Variants in KLF12 observed in about 807,000 individuals in gnomAD.
The protein encoded by KLF12 is Krueppel-like factor 12.
Under a neutral mutation model 37.8 loss-of-function variants are expected in KLF12, and 9 were observed. The observed-to-expected ratio is 0.24, with a 90% CI of 0.14 to 0.42. The LOEUF is 0.42. Among genes scored for constraint, KLF12 ranks in the 10% least tolerant of loss-of-function variants. KLF12 has a pLI of 1.00. For synonymous variants in KLF12, 208 were observed against 202.1 expected (o/e 1.03, Z -0.25); for missense variants, 411 against 516.0 (o/e 0.80, Z 1.97).
the KLF12 span, among the ~76,000 whole-genome samples, chr13:74,287,387 A>AGAGAGAGAGAGAGG: frequency 1.3e-5 from 2 of 151,478 alleles, no homozygotes; most frequent in Non-Finnish European, 2.9e-5. Flanking sequence ...AGAGAGAGAG[A>AGAGAGAGAGAGAGG]GAGAGAGAAT....
chr13:73,819,810 T>C (rs573236539), intron 4 of KLF12, among the ~76,000 whole-genome samples: 37 of 152,218 alleles, frequency 2.4e-4, no homozygotes, highest in South Asian at 4.2e-4. Context: ...CTTGAAGGAA[T>C]TGAGTAAGAG....
the KLF12 span, among the ~76,000 whole-genome samples, chr13:74,183,792 C>G: frequency 6.6e-6 from 1 of 152,050 alleles, no homozygotes; most frequent in East Asian, 1.9e-4. Flanking sequence ...CAAAAATTAG[C>G]TGGGCATGGT....
chr13:74,138,882 C>G (rs79098914), upstream of KLF12, among the ~76,000 whole-genome samples: 1 of 152,170 alleles, frequency 6.6e-6, no homozygotes, highest in Admixed American at 6.5e-5. Context: ...CATACTTTCC[C>G]CTCCAGCCTG....
intron 3 of KLF12, among the ~76,000 whole-genome samples, chr13:73,942,665 A>G (rs1890240351): frequency 6.6e-6 from 1 of 152,204 alleles, no homozygotes; most frequent in Non-Finnish European, 1.5e-5. Context: ...CTTCTCCTTC[A>G]TGATCCTCTA....
chr13:73,853,892 C>A (rs1175633107), intron 3 of KLF12, among the ~76,000 whole-genome samples: 2 of 152,100 alleles, frequency 1.3e-5, no homozygotes, highest in African/African-American at 4.8e-5. Context: ...GAATATACAT[C>A]ACACTTGTTA....
intron 3 of KLF12, among the ~76,000 whole-genome samples, chr13:73,846,850 C>T (rs967202618): frequency 4.6e-5 from 7 of 152,176 alleles, no homozygotes; most frequent in African/African-American, 1.4e-4. Context: ...CAACCTCCCA[C>T]ACCTGATCAC....
chr13:74,097,503 C>A lies in KLF12; in HGVS notation c.-32+36236G>T, dbSNP rs1256177096. On this transcript the variant is annotated intron_variant, in intron 1 of 7. Coordinates refer to ENST00000377669, the MANE Select transcript of KLF12 (RefSeq NM_007249.5). ...TAAAACAGTCTTGAATTTCTAAAATCCATTATTAAATCACAGTAAATTGTA... is the reference window on the plus strand; with the variant it reads ...TAAAACAGTCTTGAATTTCTAAAATACATTATTAAATCACAGTAAATTGTA... Among the ~76,000 whole-genome samples the A allele has an allele frequency of 4.9e-4, 75 of 152,066 alleles. 2 individuals carry two copies. Among genetic ancestry groups the A allele is most frequent in the Admixed American group, 4.9e-3 (75 of 15,260 alleles).
intron 1 of KLF12, among the ~76,000 whole-genome samples, chr13:74,002,799 C>G (rs75878479): frequency 0.071 from 10,807 of 152,276 alleles, 508 homozygotes; most frequent in Non-Finnish European, 0.1. Flanking sequence ...AATAGTGATG[C>G]ACATTACATG....
chr13:73,698,390 CT>C (rs1874299885), intron 7 of KLF12, among the ~76,000 whole-genome samples: 1 of 152,030 alleles, frequency 6.6e-6, no homozygotes, highest in Admixed American at 6.6e-5. Context: ...TGATTTATAC[CT>C]CAGGTGCTGT....
intron 1 of KLF12, among the ~76,000 whole-genome samples, chr13:74,099,566 T>C (rs1049613419): frequency 6.6e-6 from 1 of 152,192 alleles, no homozygotes; most frequent in Non-Finnish European, 1.5e-5. Flanking sequence ...CCTAGACACA[T>C]ACATATAATC....
At chr13:73,750,994 A>C (rs1415111865) in intron 6 of KLF12, among the ~76,000 whole-genome samples, 1 of 152,210 alleles carries the variant, frequency 6.6e-6, no homozygotes, top group Non-Finnish European at 1.5e-5. Context: ...ACACTACCAC[A>C]GAGTTGTAAA....
the KLF12 span, among the ~76,000 whole-genome samples, chr13:74,152,742 G>A: frequency 6.6e-6 from 1 of 151,710 alleles, no homozygotes; most frequent in East Asian, 1.9e-4. Flanking sequence ...ACTAGCTGAG[G>A]ATAGTGGTGT....
At position 73,878,959 on chromosome 13, in the gene KLF12, A is replaced by G. The variant is rs137913916; in HGVS notation, c.124-32586T>C. Among the ~76,000 whole-genome samples, 309 of 152,280 alleles carry G rather than the reference A, an allele frequency of 2.0e-3. 5 individuals are homozygous for G. Among genetic ancestry groups the G allele is most frequent in the Non-Finnish European group, 1.0e-3 (70 of 68,024 alleles). ...AGGAGATGACAGGATTTTGAATTTT[A>G]TCTTGAGAAGGAAAGTTTTTGAATA... On this transcript the variant is annotated intron_variant, in intron 3 of 7. Transcript: ENST00000377669.
intron 2 of KLF12, among the ~76,000 whole-genome samples, chr13:73,962,674 G>T (rs776251285): frequency 7.9e-5 from 12 of 152,066 alleles, no homozygotes; most frequent in East Asian, 1.9e-4. Context: ...AAATCTCTTC[G>T]CAAGTTTAAT....
chr13:73,891,665 T>C (rs1887511818), intron 3 of KLF12, among the ~76,000 whole-genome samples: 1 of 152,164 alleles, frequency 6.6e-6, no homozygotes, highest in African/African-American at 2.4e-5. Flanking sequence ...ATGGAGATAC[T>C]ATCAACTCTT....
At chr13:73,934,985 ATTTAT>A (rs1843882545) in intron 3 of KLF12, among the ~76,000 whole-genome samples, 1 of 117,754 alleles carries the variant, frequency 8.5e-6, no homozygotes, top group Non-Finnish European at 1.9e-5. Flanking sequence ...TTATTTATTT[ATTTAT>A]TTTGAGACAG....
At chr13:73,908,401 CA>C (rs200413877) in intron 3 of KLF12, among the ~76,000 whole-genome samples, 31 of 129,312 alleles carry the variant, frequency 2.4e-4, no homozygotes, top group Admixed American at 6.1e-4. Flanking sequence ...GACTCTGTCT[CA>C]AAAAAAAAAA....
chr13:74,158,566 AAGTG>A, the KLF12 span, among the ~76,000 whole-genome samples: 48 of 152,160 alleles, frequency 3.2e-4, 1 homozygote, highest in Non-Finnish European at 8.8e-5. Flanking sequence ...GGATCAAAAC[AAGTG>A]AGTCCCAGAG....
intron 3 of KLF12, among the ~76,000 whole-genome samples, chr13:73,870,382 C>T (rs1886403915): frequency 6.6e-6 from 1 of 152,216 alleles, no homozygotes. Flanking sequence ...CTGATTTTAA[C>T]AGTAACATTT....
Sources: gnomAD v4.1 joint callset for allele counts (sites outside exome capture counted in the v4.1 genomes callset) on GRCh38, gnomAD v4.1.1 for gene constraint, MANE v1.5 for transcripts, NCBI Gene and HGNC (gene_info 2026-07-23, HGNC 2026-07-21) for gene names.